KIF5C: variants seen among roughly 807,000 people sequenced by gnomAD.
KIF5C encodes kinesin heavy chain isoform 5C.
In KIF5C, 18 loss-of-function variants were observed where a neutral mutation model predicts 125.2. The observed-to-expected ratio is 0.14, with a 90% CI of 0.10 to 0.21. The LOEUF (loss-of-function observed/expected upper bound fraction) is 0.21, where lower values mean the gene tolerates loss of function less well. Among genes scored for constraint, KIF5C ranks in the 10% least tolerant of loss-of-function variants. The pLI is 1.00. For synonymous variants in KIF5C, 405 were observed against 434.0 expected (o/e 0.93, Z 0.83); for missense variants, 780 against 1,183.8 (o/e 0.66, Z 5.01).
rs1339586647 is a variant in KIF5C, at chr2:148,876,588, T to C, written c.126+845T>C. Among the ~76,000 whole-genome samples the C allele has an allele frequency of 6.6e-6, 1 of 151,510 alleles. No homozygotes were observed. Among genetic ancestry groups the C allele is most frequent in the Non-Finnish European group, 1.5e-5 (1 of 67,838 alleles). On this transcript the variant is annotated intron_variant, in intron 1 of 25. Transcript: ENST00000435030. The surrounding 1 kb of genome is among the most constrained non-coding windows in gnomAD (Gnocchi z 4.7). ...CGTGCGGCTCGGACCCCCCTCCCTC[T>C]CTATCTCCCTTCCCCACCTTTTCTC...
chr2:148,960,482 GA>G (rs1267522109), intron 10 of KIF5C, among the ~76,000 whole-genome samples: 1 of 152,280 alleles, frequency 6.6e-6, no homozygotes, highest in East Asian at 1.9e-4. Context: ...TGTCAAACAG[GA>G]CCAGACTTTA....
At position 148,978,937 on chromosome 2, in the gene KIF5C, C is replaced by A; in HGVS notation, c.1309C>A (p.Gln437Lys). The change falls in exon 13 of 26, where the codon CAG becomes AAG. Residue 437 changes from glutamine to lysine, a missense_variant. By Grantham distance (53) the Gln-to-Lys change is moderately conservative. Transcript: ENST00000435030. ...QLDDKDDEIN[Q>K]QSQLAEKLKQ... ...TTCGTTTCAGGATGATGAAATTAAC[C>A]AGCAGAGCCAGCTGGCTGAAAAGCT... 1 of 1,595,996 alleles carries A rather than the reference C, an allele frequency of 6.3e-7. No individual in the cohort carries two copies. The highest frequency in any genetic ancestry group is 2.3e-5 in the East Asian group (1 of 43,920).
chr2:148,960,265 T>A (rs1000634957), intron 10 of KIF5C, among the ~76,000 whole-genome samples: 1 of 152,220 alleles, frequency 6.6e-6, no homozygotes, highest in Non-Finnish European at 1.5e-5. Flanking sequence ...TCTGGTATCA[T>A]GTGAAGTTAT....
chr2:149,019,751 A>T (rs1682476545), intron 25 of KIF5C, among the ~76,000 whole-genome samples: 1 of 152,268 alleles, frequency 6.6e-6, no homozygotes, highest in African/African-American at 2.4e-5. Flanking sequence ...AAAACTATGT[A>T]CTGTTTGGAT....
At position 149,007,729 on chromosome 2, in the gene KIF5C, T is replaced by C. The variant is rs1453151580; in HGVS notation, c.2446-234T>C. On this transcript the variant is annotated intron_variant, in intron 22 of 25. Coordinates refer to ENST00000435030, the MANE Select transcript of KIF5C (RefSeq NM_004522.3). ...TCATCTACAACTTTCAAAAGCAGAT[T>C]TGAAGGAGTTTTTTTTTTTTAGCTC... 4.0e-5 allele frequency among the ~76,000 whole-genome samples: 6 copies of C among 151,598 alleles called. No individual in the cohort carries two copies. The South Asian group carries it at 1.2e-3, about 31-fold the overall frequency.
intron 25 of KIF5C, among the ~76,000 whole-genome samples, chr2:149,015,176 A>G (rs1418795584): frequency 3.9e-5 from 6 of 152,212 alleles, no homozygotes; most frequent in Non-Finnish European, 1.5e-5. Context: ...TGACAAAGTG[A>G]GAGCCTATCT....
At chr2:148,972,518 A>G (rs1018762164) in intron 11 of KIF5C, among the ~76,000 whole-genome samples, 2 of 152,230 alleles carry the variant, frequency 1.3e-5, no homozygotes, top group Non-Finnish European at 2.9e-5. Flanking sequence ...TGTTGGAGAT[A>G]GCCATTGGCC....
At chr2:148,948,225 C>T (rs899790365) in intron 8 of KIF5C, among the ~76,000 whole-genome samples, 2 of 150,654 alleles carry the variant, frequency 1.3e-5, no homozygotes, top group Non-Finnish European at 3.0e-5. Flanking sequence ...GGCATGGTGG[C>T]GGGCACCTGT....
At position 148,983,895 on chromosome 2, in the gene KIF5C, A is replaced by G. The variant is rs946591576; in HGVS notation, c.1716+129A>G. 1.2e-5 allele frequency: 15 copies of G among 1,237,008 alleles called. No individual in the cohort carries two copies. In the African/African-American group the frequency reaches 2.3e-4, roughly 19 times the overall value. 76.6% of individuals were successfully genotyped at this position (1,237,008 alleles called of 1,614,324 possible). ...CTGCCATGTGCTGGTTAGTGTTTGA[A>G]TGAATGAAAAAAGGGCTAATTGAAT... is the stretch of plus-strand genomic sequence containing the variant. On this transcript the variant is annotated intron_variant, in intron 15 of 25. Coordinates refer to ENST00000435030, the MANE Select transcript of KIF5C (RefSeq NM_004522.3).
chr2:149,018,003 C>T (rs936636663), intron 25 of KIF5C, among the ~76,000 whole-genome samples: 15 of 152,094 alleles, frequency 9.9e-5, no homozygotes, highest in Non-Finnish European at 1.8e-4. Context: ...TTTTGTGTGT[C>T]GTGGTGTGAC....
At chr2:148,952,185 T>C (rs1682681534) in intron 10 of KIF5C, among the ~76,000 whole-genome samples, 1 of 152,132 alleles carries the variant, frequency 6.6e-6, no homozygotes, top group Non-Finnish European at 1.5e-5. Flanking sequence ...CCCAGTGTCT[T>C]AAACTTGAGC....
intron 3 of KIF5C, 85 bp from the exon 4 acceptor site, chr2:148,937,199 T>C (rs1682309350): frequency 6.6e-7 from 1 of 1,509,232 alleles, no homozygotes; most frequent in Non-Finnish European, 8.9e-7. Flanking sequence ...GGGTTCTGTC[T>C]GAGGAACCCA....
chr2:148,875,564 T>TCCCCGCC lies in KIF5C; in HGVS notation c.-51_-50insCGCCCCC. 2.0e-6 allele frequency: 2 copies of TCCCCGCC among 999,384 alleles called. No individual in the cohort carries two copies. Among genetic ancestry groups the TCCCCGCC allele is most frequent in the Non-Finnish European group, 1.5e-6 (1 of 653,546 alleles). The allele number at this position is 999,384 out of a possible 1,614,324, so 61.9% of individuals were successfully genotyped here. A position where few individuals can be genotyped will look rare whatever the true frequency, so the allele number is the denominator to read the frequency against. ...AGCTCGCGGCCTCCTCCCTCGTCGT[T>TCCCCGCC]CCCGGCCCCGGCCCCCCACCCATCC... On this transcript the variant is annotated 5_prime_UTR_variant, in exon 1 of 26. Coordinates refer to ENST00000435030, the MANE Select transcript of KIF5C (RefSeq NM_004522.3).
intron 11 of KIF5C, among the ~76,000 whole-genome samples, chr2:148,965,934 G>A (rs903976736): frequency 6.6e-6 from 1 of 152,154 alleles, no homozygotes; most frequent in African/African-American, 2.4e-5. Flanking sequence ...GTCTCCCCAC[G>A]TGTCAGTCCT....
intron 11 of KIF5C, among the ~76,000 whole-genome samples, chr2:148,968,741 C>T (rs1046501255): frequency 6.6e-6 from 1 of 151,338 alleles, no homozygotes; most frequent in African/African-American, 2.4e-5. Context: ...ATGCTATTTG[C>T]ATGCAAAATA....
At position 148,934,017 on chromosome 2, in the gene KIF5C, C is replaced by T. The variant is rs1186576040; in HGVS notation, c.292-3267C>T. Among the ~76,000 whole-genome samples, 4 of 151,444 alleles carry T rather than the reference C, an allele frequency of 2.6e-5. No homozygotes were observed. In the South Asian group the frequency reaches 8.4e-4, roughly 32 times the overall value. On this transcript the variant is annotated intron_variant, in intron 3 of 25. Coordinates refer to ENST00000435030, the MANE Select transcript of KIF5C (RefSeq NM_004522.3). ...TCCACATACATCAGACACATACAGA[C>T]ATATACATACCACAGACATACCTCA...
At chr2:148,942,588 G>A in intron 6 of KIF5C, 85 bp from the exon 7 acceptor site, 1 of 1,540,534 alleles carries the variant, frequency 6.5e-7, no homozygotes. Context: ...ACCTCTAGAA[G>A]ATAAACAGGA....
chr2:149,008,111 C>G, intron 23 of KIF5C, 44 bp downstream of exon 23: 1 of 1,561,250 alleles, frequency 6.4e-7, no homozygotes, highest in Non-Finnish European at 8.7e-7. Context: ...CTCCTCTCTC[C>G]TGGAAAGAAG....
At chr2:149,022,574 T>G (rs1356643936) in intron 25 of KIF5C, among the ~76,000 whole-genome samples, 2 of 152,304 alleles carry the variant, frequency 1.3e-5, no homozygotes, top group East Asian at 3.9e-4. Flanking sequence ...ATATTACAAT[T>G]AATCTTACCT....
Sources: allele counts gnomAD v4.1 joint callset (sites outside exome capture counted in the v4.1 genomes callset), GRCh38; gene constraint gnomAD v4.1.1; non-coding constraint Gnocchi (gnomAD v3.1); transcripts MANE v1.5; gene names NCBI Gene and HGNC (gene_info 2026-07-23, HGNC 2026-07-21).